Variants in INPP5D observed in about 807,000 individuals in gnomAD.
INPP5D encodes inositol polyphosphate-5-phosphatase D.
In INPP5D, 33 loss-of-function variants were observed where a neutral mutation model predicts 122.9. That is an observed-to-expected ratio of 0.27 (90% CI 0.20 to 0.36). The LOEUF (loss-of-function observed/expected upper bound fraction) is 0.36. Among genes scored for constraint, INPP5D ranks in the 10% least tolerant of loss-of-function variants. INPP5D has a pLI of 1.00. For synonymous variants in INPP5D, 584 were observed against 576.2 expected (o/e 1.01, Z -0.19); for missense variants, 1,053 against 1,412.7 (o/e 0.75, Z 4.08).
intron 5 of INPP5D, among the ~76,000 whole-genome samples, chr2:233,134,817 C>G (rs1396161071): frequency 6.6e-6 from 1 of 152,132 alleles, no homozygotes; most frequent in Non-Finnish European, 1.5e-5. Flanking sequence ...CAAACCAAAA[C>G]CAAAAATACT....
intron 18 of INPP5D, among the ~76,000 whole-genome samples, chr2:233,178,414 C>G (rs1333726061): frequency 6.6e-6 from 1 of 152,124 alleles, no homozygotes; most frequent in Non-Finnish European, 1.5e-5. Flanking sequence ...ATCCACAGAA[C>G]AGAGTTGCTT....
rs1377555559 is a variant in INPP5D, at chr2:233,105,819, T to TG, written c.199-16282dup. Reference sequence around the variant, plus strand: ...GAGGGTGCCAGGGAGAGAGTGGCTCTGGGGGGCCACAGTGGGGTTCTGGCT... The same window carrying TG: ...GAGGGTGCCAGGGAGAGAGTGGCTCTGGGGGGGCCACAGTGGGGTTCTGGCT... On this transcript the variant is annotated intron_variant, in intron 2 of 26. Coordinates refer to ENST00000445964, the MANE Select transcript of INPP5D (RefSeq NM_001017915.3). This position sits in a 1 kb window ranked among gnomAD's most constrained non-coding sequence, Gnocchi z 4.0. Among the ~76,000 whole-genome samples, 1 of 151,842 alleles carries TG rather than the reference T, an allele frequency of 6.6e-6. No homozygotes were observed. The highest frequency in any genetic ancestry group is 2.4e-5 in the African/African-American group (1 of 41,324).
At chr2:233,152,104 A>G (rs1240882003) in intron 9 of INPP5D, among the ~76,000 whole-genome samples, 2 of 152,178 alleles carry the variant, frequency 1.3e-5, no homozygotes, top group Non-Finnish European at 2.9e-5. Context: ...CAAGTAAGCT[A>G]CTTAACTCCT....
At chr2:233,109,723 C>CAT (rs1692563251) in intron 2 of INPP5D, among the ~76,000 whole-genome samples, 1 of 149,410 alleles carries the variant, frequency 6.7e-6, no homozygotes, top group African/African-American at 2.5e-5. Flanking sequence ...GGATTACAGG[C>CAT]GCCTGCCACC....
intron 25 of INPP5D, among the ~76,000 whole-genome samples, chr2:233,202,268 C>T (rs1695359706): frequency 6.6e-6 from 1 of 152,236 alleles, no homozygotes; most frequent in Non-Finnish European, 1.5e-5. Context: ...GTGCCCTCTT[C>T]CCTTGGCTAA....
chr2:233,086,130 T>TTTCC (rs1691830148), intron 2 of INPP5D, among the ~76,000 whole-genome samples: 1 of 112,096 alleles, frequency 8.9e-6, no homozygotes, highest in Non-Finnish European at 1.8e-5. Flanking sequence ...TCTTTCTTTC[T>TTTCC]TTCTTTCTTT....
chr2:233,204,262 G>C lies in INPP5D; in HGVS notation c.3112G>C (p.Glu1038Gln). ...TAAGCCTGCTCCCAGGAAGGACCAG[G>C]AATCCCCCAAAATGCCGCGGAAGGA... ...FPKPAPRKDQ[E>Q]SPKMPRKEPP... is the part of the protein sequence containing the mutation. The change falls in exon 26 of 27, where the codon GAA becomes CAA. Residue 1038 changes from glutamate to glutamine, a missense_variant. By Grantham distance (29) the Glu-to-Gln change is conservative. Coordinates refer to ENST00000445964, the MANE Select transcript of INPP5D (RefSeq NM_001017915.3). 1 of 1,613,558 alleles carries C rather than the reference G, an allele frequency of 6.2e-7. No homozygotes were observed. The highest frequency in any genetic ancestry group is 1.1e-5 in the South Asian group (1 of 91,088).
chr2:233,199,828 CAAAAG>C (rs1255352030), intron 25 of INPP5D, among the ~76,000 whole-genome samples: 4 of 146,688 alleles, frequency 2.7e-5, no homozygotes, highest in African/African-American at 7.6e-5. Context: ...GACTCCATCT[CAAAAG>C]AAAAGAAAAA....
intron 3 of INPP5D, among the ~76,000 whole-genome samples, chr2:233,123,967 G>T (rs1021041527): frequency 6.6e-6 from 1 of 152,188 alleles, no homozygotes; most frequent in East Asian, 1.9e-4. Flanking sequence ...CCTACCTGAG[G>T]GGGTGGGAGG....
At chr2:233,131,020 G>C (rs1197290985) in intron 5 of INPP5D, 3 of 213,596 alleles carry the variant, frequency 1.4e-5, no homozygotes, top group Non-Finnish European at 2.4e-5. Context: ...GCACAGAAAG[G>C]CATCAAAAGG....
intron 1 of INPP5D, among the ~76,000 whole-genome samples, chr2:233,075,400 C>T (rs1419823018): frequency 6.6e-6 from 1 of 152,118 alleles, no homozygotes; most frequent in Non-Finnish European, 1.5e-5. Flanking sequence ...ACCCACTGCC[C>T]CTAAAGAGCA....
intron 2 of INPP5D, chr2:233,120,579 A>G (rs572436798): frequency 6.6e-6 from 1 of 152,482 alleles, no homozygotes; most frequent in African/African-American, 2.4e-5. Context: ...CAGGGGCGCT[A>G]TGCTCCTCCA....
chr2:233,129,230 A>C (rs559073352), intron 4 of INPP5D, among the ~76,000 whole-genome samples: 14 of 152,348 alleles, frequency 9.2e-5, no homozygotes, highest in Admixed American at 3.3e-4. Flanking sequence ...CAGCTAATTA[A>C]CATGGTTAAG....
chr2:233,121,573 C>T (rs1181829949), intron 2 of INPP5D, among the ~76,000 whole-genome samples: 2 of 149,698 alleles, frequency 1.3e-5, no homozygotes, highest in Admixed American at 6.7e-5. Context: ...TGGAGTGCAG[C>T]GGCGCAATCT....
At chr2:233,153,170 C>T (rs1693965759) in intron 9 of INPP5D, among the ~76,000 whole-genome samples, 1 of 152,162 alleles carries the variant, frequency 6.6e-6, no homozygotes, top group Non-Finnish European at 1.5e-5. Flanking sequence ...AATAATAACC[C>T]TGATCAAACA....
intron 5 of INPP5D, chr2:233,130,946 G>A (rs1038272171): frequency 1.1e-5 from 6 of 546,646 alleles, no homozygotes; most frequent in Non-Finnish European, 1.7e-5. Flanking sequence ...CACTTGCACA[G>A]GATCCAGCTC....
At chr2:233,193,215 T>C (rs1282840058) in intron 22 of INPP5D, among the ~76,000 whole-genome samples, 4 of 152,254 alleles carry the variant, frequency 2.6e-5, no homozygotes. Context: ...TCTCGCTTCC[T>C]ATCTATGCTA....
chr2:233,070,079 G>T (rs1691336039), intron 1 of INPP5D, among the ~76,000 whole-genome samples: 1 of 152,164 alleles, frequency 6.6e-6, no homozygotes, highest in South Asian at 2.1e-4. Flanking sequence ...GTCACGTTGA[G>T]CTTATTTGAT....
At chr2:233,122,411 G>T (rs1693016609) in intron 3 of INPP5D, among the ~76,000 whole-genome samples, 154 bp downstream of exon 3, 1 of 152,200 alleles carries the variant, frequency 6.6e-6, no homozygotes, top group South Asian at 2.1e-4. Context: ...CTCTGGTCAG[G>T]CAGACATGGG....
Sources: gnomAD v4.1 joint callset for allele counts (sites outside exome capture counted in the v4.1 genomes callset) on GRCh38, gnomAD v4.1.1 for gene constraint, Gnocchi (gnomAD v3.1) non-coding constraint, MANE v1.5 for transcripts, NCBI Gene and HGNC (gene_info 2026-07-23, HGNC 2026-07-21) for gene names.